PAPPA2: variants seen among roughly 807,000 people sequenced by gnomAD.
PAPPA2 encodes the protein pappalysin 2.
A neutral mutation model predicts 176.4 loss-of-function variants in PAPPA2; 86 were observed. The observed-to-expected ratio is 0.49, with a 90% CI of 0.41 to 0.58. The LOEUF (loss-of-function observed/expected upper bound fraction) is 0.58. Among genes scored for constraint, PAPPA2 ranks in the 20% least tolerant of loss-of-function variants. The pLI, the probability that PAPPA2 is intolerant of heterozygous loss-of-function variation, is 0.00. For missense variants in PAPPA2, 2,073 were observed against 2,256.9 expected (o/e 0.92, Z 1.65); for synonymous variants, 809 against 852.2 (o/e 0.95, Z 0.88).
At chr1:176,743,663 C>T (rs1448411371) in intron 14 of PAPPA2, among the ~76,000 whole-genome samples, 1 of 152,108 alleles carries the variant, frequency 6.6e-6, no homozygotes, top group East Asian at 1.9e-4. Context: ...AACCCAGACA[C>T]CAATATGTTA....
intron 1 of PAPPA2, among the ~76,000 whole-genome samples, chr1:176,551,966 A>G (rs1650980006): frequency 6.6e-6 from 1 of 152,140 alleles, no homozygotes; most frequent in Non-Finnish European, 1.5e-5. Flanking sequence ...TCCCTTAAAG[A>G]GACAATGTTG....
chr1:176,584,739 T>C (rs951646252), intron 2 of PAPPA2, among the ~76,000 whole-genome samples: 3 of 152,148 alleles, frequency 2.0e-5, no homozygotes, highest in Admixed American at 6.6e-5. Flanking sequence ...TTTTTCTTTC[T>C]TTTTTATTTT....
intron 3 of PAPPA2, among the ~76,000 whole-genome samples, chr1:176,605,641 C>A (rs1253314950): frequency 6.6e-6 from 1 of 152,170 alleles, no homozygotes; most frequent in African/African-American, 2.4e-5. Context: ...TCTCATAGTA[C>A]CTTGGTTCAA....
At chr1:176,554,742 A>C (rs1249191515) in intron 1 of PAPPA2, among the ~76,000 whole-genome samples, 1 of 152,176 alleles carries the variant, frequency 6.6e-6, no homozygotes, top group Non-Finnish European at 1.5e-5. Flanking sequence ...ATGTAGTATG[A>C]ATTCATGGCA....
chr1:176,783,654 A>T (rs1489078595), intron 17 of PAPPA2, among the ~76,000 whole-genome samples: 1 of 152,178 alleles, frequency 6.6e-6, no homozygotes, highest in African/African-American at 2.4e-5. Context: ...ACTCCTCGTG[A>T]TACCATTTAC....
chr1:176,734,290 C>T lies in PAPPA2; in HGVS notation c.3799-5336C>T, dbSNP rs550996469. On this transcript the variant is annotated intron_variant, in intron 12 of 22. Transcript: ENST00000367662. The stretch of plus-strand genomic sequence containing the variant: ...TTCTGATCTAACCCCCTTCCATGGA[C>T]TTGACAAATCATACATTGTTGAATG... Among the ~76,000 whole-genome samples, 7 of 152,134 alleles carry T rather than the reference C, an allele frequency of 4.6e-5. No individual in the cohort carries two copies. In the South Asian group the frequency reaches 1.2e-3, roughly 27 times the overall value.
chr1:176,666,390 A>G (rs1658642168), intron 3 of PAPPA2, among the ~76,000 whole-genome samples: 1 of 152,162 alleles, frequency 6.6e-6, no homozygotes, highest in South Asian at 2.1e-4. Flanking sequence ...TAATGGGATT[A>G]GGAGGTACAT....
At chr1:176,709,757 A>G (rs1571209683) in intron 10 of PAPPA2, among the ~76,000 whole-genome samples, 1 of 152,056 alleles carries the variant, frequency 6.6e-6, no homozygotes, top group South Asian at 2.1e-4. Flanking sequence ...TACTTTTATA[A>G]TGTAGATGGT....
chr1:176,476,555 C>G lies in PAPPA2; in HGVS notation c.-917+13137C>G, dbSNP rs16849878. ...TCAGTAGCAGGAGAGTATAAAGAATCTGTCTGGCACGCCTGCCTAGACTCA... is the reference window on the plus strand; with the variant it reads ...TCAGTAGCAGGAGAGTATAAAGAATGTGTCTGGCACGCCTGCCTAGACTCA... On this transcript the variant is annotated intron_variant, in intron 1 of 22. Transcript: ENST00000367662. 8.5e-4 allele frequency among the ~76,000 whole-genome samples: 129 copies of G among 152,316 alleles called. No individual in the cohort carries two copies. In the East Asian group the frequency reaches 0.021, roughly 24 times the overall value.
intron 4 of PAPPA2, among the ~76,000 whole-genome samples, chr1:176,673,261 G>T (rs1407845496): frequency 6.6e-6 from 1 of 152,156 alleles, no homozygotes; most frequent in African/African-American, 2.4e-5. Flanking sequence ...ATGAAAGCTA[G>T]TGTGTTTCAT....
At chr1:176,496,760 C>G (rs1036546614) in intron 1 of PAPPA2, among the ~76,000 whole-genome samples, 2 of 152,026 alleles carry the variant, frequency 1.3e-5, no homozygotes, top group African/African-American at 4.8e-5. Flanking sequence ...GAAAGGGAGC[C>G]TAAGAAGAAA....
At chr1:176,565,868 A>G (rs753677699) in intron 2 of PAPPA2, among the ~76,000 whole-genome samples, 1 of 152,108 alleles carries the variant, frequency 6.6e-6, no homozygotes, top group African/African-American at 2.4e-5. Flanking sequence ...TTCCTAGTTG[A>G]AGTGGGTTCT....
chr1:176,649,378 CTTTTGTTTTTT>C lies in PAPPA2; in HGVS notation c.1992-21581_1992-21571del, dbSNP rs556443801. Among the ~76,000 whole-genome samples the C allele has an allele frequency of 6.2e-3, 932 of 150,038 alleles. 13 individuals carry two copies. The highest frequency in any genetic ancestry group is 0.021 in the African/African-American group (859 of 41,064). On this transcript the variant is annotated intron_variant, in intron 3 of 22. Coordinates refer to ENST00000367662, the MANE Select transcript of PAPPA2 (RefSeq NM_020318.3). Reference sequence around the variant, plus strand: ...TGCATATTTTATCTTTTAAAAAAAACTTTTGTTTTTTTTTTGTTTTTCTTTTAGGTTTAATT... The same window carrying C: ...TGCATATTTTATCTTTTAAAAAAAACTTTTGTTTTTCTTTTAGGTTTAATT...
rs1372255625 is a variant in PAPPA2 at position 176,704,559 on chromosome 1, A to G, written c.3366-1800A>G. ...CTCTTTTTGCCTTTAAAATATACCA[A>G]ATGCAACTAAAAAACTGAATACTTA... On this transcript the variant is annotated intron_variant, in intron 9 of 22. Coordinates refer to ENST00000367662, the MANE Select transcript of PAPPA2 (RefSeq NM_020318.3). 2.6e-5 allele frequency among the ~76,000 whole-genome samples: 4 copies of G among 152,290 alleles called. No individual in the cohort carries two copies. The East Asian group carries it at 7.7e-4, about 29-fold the overall frequency.
chr1:176,500,462 A>C (rs1647892406), intron 1 of PAPPA2, among the ~76,000 whole-genome samples: 1 of 148,920 alleles, frequency 6.7e-6, no homozygotes, highest in African/African-American at 2.4e-5. Flanking sequence ...TAAACCTCTA[A>C]ATATGTGTAC....
chr1:176,749,985 T>G (rs1383840252), intron 14 of PAPPA2, among the ~76,000 whole-genome samples: 1 of 152,194 alleles, frequency 6.6e-6, no homozygotes, highest in African/African-American at 2.4e-5. Context: ...TGTCTTTGAA[T>G]AAATACCAAG....
chr1:176,771,126 A>G lies in PAPPA2; in HGVS notation c.4661A>G (p.Tyr1554Cys). 1 of 1,614,198 alleles carries G rather than the reference A, an allele frequency of 6.2e-7. No individual in the cohort carries two copies. Among genetic ancestry groups the G allele is most frequent in the African/African-American group, 1.3e-5 (1 of 75,062 alleles). Residue 1554 changes from tyrosine (Y) to cysteine (C), a missense_variant, in exon 17 of 23, where the codon TAT (tyrosine) becomes TGT (cysteine). By Grantham distance (194) the Tyr-to-Cys change is radical. This residue lies in a region of PAPPA2 where 846 missense variants were observed against 857.9 expected (regional missense o/e 0.99). Transcript: ENST00000367662. ...DNHDVGTICK[Y>C]ECKPGYYVAE... ...CACGACGTGGGCACCATCTGCAAAT[A>G]TGAATGCAAACCAGGGTACTATGTG...
At chr1:176,778,826 AT>A (rs1467083523) in intron 17 of PAPPA2, among the ~76,000 whole-genome samples, 1 of 152,172 alleles carries the variant, frequency 6.6e-6, no homozygotes, top group Non-Finnish European at 1.5e-5. Context: ...ATTAGTGTTT[AT>A]AGTAAATACC....
intron 3 of PAPPA2, among the ~76,000 whole-genome samples, chr1:176,654,209 T>C (rs1025635842): frequency 2.0e-5 from 3 of 151,694 alleles, no homozygotes; most frequent in Admixed American, 2.0e-4. Context: ...AAGTCGTTAA[T>C]CCATCCTGAG....
Sources: gnomAD v4.1 joint callset for allele counts (sites outside exome capture counted in the v4.1 genomes callset) on GRCh38, gnomAD v4.1.1 for gene constraint, gnomAD v4.1.1 regional missense constraint, MANE v1.5 for transcripts, NCBI Gene and HGNC (gene_info 2026-07-23, HGNC 2026-07-21) for gene names.